IMMP2L: variants seen among roughly 807,000 people sequenced by gnomAD.
IMMP2L encodes the protein mitochondrial inner membrane protease subunit 2.
IMMP2L carries 18 observed loss-of-function variants against 19.3 expected under a neutral mutation model. The observed-to-expected ratio is 0.93, with a 90% confidence interval of 0.64 to 1.38. The LOEUF (loss-of-function observed/expected upper bound fraction) is 1.38. IMMP2L is among the 40% of genes most tolerant of loss of function. The pLI is 0.00. For missense variants in IMMP2L, 233 were observed against 218.2 expected (o/e 1.07, Z -0.43); for synonymous variants, 76 against 73.0 (o/e 1.04, Z -0.21).
intron 4 of IMMP2L, among the ~76,000 whole-genome samples, chr7:110,957,478 AG>A (rs930611436): frequency 3.9e-5 from 6 of 151,916 alleles, no homozygotes; most frequent in Admixed American, 2.6e-4. Flanking sequence ...ATCCCCCTTT[AG>A]TCTATTCTCC....
At chr7:110,944,110 T>A (rs932934805) in intron 4 of IMMP2L, among the ~76,000 whole-genome samples, 1 of 151,988 alleles carries the variant, frequency 6.6e-6, no homozygotes, top group Non-Finnish European at 1.5e-5. Context: ...ATTTGACAAA[T>A]ACTTAGTGAG....
intron 2 of IMMP2L, among the ~76,000 whole-genome samples, chr7:111,515,805 C>A (rs1845828049): frequency 6.6e-6 from 1 of 151,966 alleles, no homozygotes; most frequent in Admixed American, 6.6e-5. Flanking sequence ...ATCTTTTTCC[C>A]CCATTATAAC....
At chr7:111,465,832 C>T (rs1840599644) in intron 3 of IMMP2L, among the ~76,000 whole-genome samples, 1 of 152,026 alleles carries the variant, frequency 6.6e-6, no homozygotes, top group African/African-American at 2.4e-5. Context: ...TGGGTATATA[C>T]CCAAAGGATT....
chr7:111,060,985 A>G (rs944297466), intron 3 of IMMP2L, among the ~76,000 whole-genome samples: 1 of 152,180 alleles, frequency 6.6e-6, no homozygotes, highest in Non-Finnish European at 1.5e-5. Context: ...ACATCTCAAC[A>G]TTTCTATAAT....
At chr7:111,099,023 T>C (rs1797690855) in intron 3 of IMMP2L, among the ~76,000 whole-genome samples, 1 of 151,794 alleles carries the variant, frequency 6.6e-6, no homozygotes, top group African/African-American at 2.4e-5. Context: ...TAATTATTTA[T>C]ATCTGAGTTT....
intron 5 of IMMP2L, among the ~76,000 whole-genome samples, chr7:110,799,929 T>C (rs920635410): frequency 1.3e-5 from 2 of 152,066 alleles, no homozygotes; most frequent in African/African-American, 4.8e-5. Context: ...TCCATGACAA[T>C]GAGGGTGAAT....
At chr7:110,850,706 G>GT (rs1048397302) in intron 5 of IMMP2L, among the ~76,000 whole-genome samples, 1 of 146,636 alleles carries the variant, frequency 6.8e-6, no homozygotes, top group Non-Finnish European at 1.5e-5. Flanking sequence ...AAAATTCTTA[G>GT]TAAAAAAAAA....
intron 3 of IMMP2L, among the ~76,000 whole-genome samples, chr7:111,259,452 T>C (rs1276832930): frequency 1.3e-5 from 2 of 152,058 alleles, no homozygotes; most frequent in Non-Finnish European, 2.9e-5. Context: ...CTGGGTAACA[T>C]AGCTTAAGTT....
chr7:110,994,999 G>T (rs2129560203), intron 3 of IMMP2L, among the ~76,000 whole-genome samples: 1 of 152,214 alleles, frequency 6.6e-6, no homozygotes, highest in South Asian at 2.1e-4. Context: ...CAGCTATATA[G>T]TACATTCAAG....
intron 3 of IMMP2L, among the ~76,000 whole-genome samples, chr7:111,290,815 T>C (rs1035713325): frequency 1.3e-5 from 2 of 149,340 alleles, no homozygotes; most frequent in Admixed American, 1.3e-4. Context: ...TCTCACTATA[T>C]ATATATATAC....
chr7:111,408,035 T>C (rs1834045736), intron 3 of IMMP2L, among the ~76,000 whole-genome samples: 1 of 151,932 alleles, frequency 6.6e-6, no homozygotes, highest in African/African-American at 2.4e-5. Context: ...CATGGGAAAA[T>C]TAAATAGCAT....
At chr7:111,242,782 G>C (rs141262373) in intron 3 of IMMP2L, among the ~76,000 whole-genome samples, 1,612 of 151,814 alleles carry the variant, frequency 0.011, 30 homozygotes, top group African/African-American at 0.036. Flanking sequence ...GAAATTCTGG[G>C]AGGCTAAAAA....
intron 5 of IMMP2L, among the ~76,000 whole-genome samples, chr7:110,815,094 C>T (rs1391397718): frequency 1.3e-5 from 2 of 152,000 alleles, no homozygotes; most frequent in African/African-American, 2.4e-5. Flanking sequence ...ATGATATTGG[C>T]TGTGGGTTTG....
chr7:110,890,651 A>G (rs1810698159), intron 4 of IMMP2L, among the ~76,000 whole-genome samples: 2 of 152,174 alleles, frequency 1.3e-5, no homozygotes, highest in Non-Finnish European at 2.9e-5. Flanking sequence ...CAGTTAAGTG[A>G]GGTGTCAGCC....
intron 3 of IMMP2L, among the ~76,000 whole-genome samples, chr7:111,420,738 A>T (rs903722226): frequency 2.6e-5 from 4 of 151,650 alleles, no homozygotes; most frequent in Non-Finnish European, 5.9e-5. Flanking sequence ...ACATGAAATC[A>T]TCCTTTTTTA....
chr7:111,461,987 C>A (rs1642359080), intron 3 of IMMP2L, among the ~76,000 whole-genome samples: 1 of 151,746 alleles, frequency 6.6e-6, no homozygotes, highest in African/African-American at 2.4e-5. Flanking sequence ...TACACACACA[C>A]GTGCACAAAC....
At chr7:111,361,153 A>T (rs2130991467) in intron 3 of IMMP2L, among the ~76,000 whole-genome samples, 1 of 152,146 alleles carries the variant, frequency 6.6e-6, no homozygotes, top group Non-Finnish European at 1.5e-5. Context: ...AAATATAGCC[A>T]ATTTTCTATA....
At chr7:111,300,230 C>T (rs1230892984) in intron 3 of IMMP2L, among the ~76,000 whole-genome samples, 1 of 152,106 alleles carries the variant, frequency 6.6e-6, no homozygotes, top group East Asian at 1.9e-4. Context: ...TGCAGCTTTG[C>T]TGAGGTCCTC....
rs551181255 is a variant in IMMP2L at position 110,733,789 on chromosome 7, C to T, written c.409-70068G>A. On this transcript the variant is annotated intron_variant, in intron 5 of 5. Coordinates refer to ENST00000405709, the MANE Select transcript of IMMP2L (RefSeq NM_032549.4). ...CAAACAAGGCTGTTTGGCCCTTCTT[C>T]CCCCTCTGGCCCTTCCTCCATTATA... Among the ~76,000 whole-genome samples, 3 of 152,046 alleles carry T rather than the reference C, an allele frequency of 2.0e-5. No individual in the cohort carries two copies. The East Asian group carries it at 5.8e-4, about 30-fold the overall frequency.
Sources: allele counts gnomAD v4.1 joint callset (sites outside exome capture counted in the v4.1 genomes callset), GRCh38; gene constraint gnomAD v4.1.1; transcripts MANE v1.5; gene names NCBI Gene and HGNC (gene_info 2026-07-23, HGNC 2026-07-21).